The following KATNIP variants were observed in gnomAD, a reference collection of about 807,000 sequenced individuals.
KATNIP encodes the protein katanin-interacting protein.
KATNIP carries 126 observed loss-of-function variants against 174.0 expected under a neutral mutation model. That is an observed-to-expected ratio of 0.72 (90% CI 0.63 to 0.84). The LOEUF is 0.84. Ranked by LOEUF, KATNIP falls within the 40% of genes least tolerant of loss-of-function variation. KATNIP has a pLI of 0.00. For missense variants in KATNIP, 1,958 were observed against 2,109.7 expected (o/e 0.93, Z 1.41); for synonymous variants, 810 against 835.7 (o/e 0.97, Z 0.53).
At chr16:27,648,257 C>T (rs1376393088) in intron 5 of KATNIP, among the ~76,000 whole-genome samples, 5 of 151,134 alleles carry the variant, frequency 3.3e-5, no homozygotes, top group South Asian at 2.1e-4. Flanking sequence ...CGCACCATTG[C>T]ACTCCAGCCT....
intron 1 of KATNIP, among the ~76,000 whole-genome samples, chr16:27,568,922 G>A (rs542019913): frequency 2.0e-5 from 3 of 152,200 alleles, no homozygotes; most frequent in African/African-American, 7.2e-5. Context: ...AGGGTCTAAT[G>A]TCAGTGCTGG....
intron 5 of KATNIP, among the ~76,000 whole-genome samples, chr16:27,632,996 C>T (rs1292163855): frequency 2.0e-5 from 3 of 152,088 alleles, no homozygotes; most frequent in South Asian, 2.1e-4. Flanking sequence ...GTGATCCGCC[C>T]GCCTCAACCT....
chr16:27,758,434 A>G (rs369554410), intron 18 of KATNIP, among the ~76,000 whole-genome samples: 2 of 152,308 alleles, frequency 1.3e-5, no homozygotes, highest in East Asian at 3.9e-4. Flanking sequence ...TTACTGCAAC[A>G]GCTTCCTCCC....
At chr16:27,662,071 T>TATATATATATATATATATATATAC (rs1403398316) in intron 6 of KATNIP, among the ~76,000 whole-genome samples, 2 of 57,198 alleles carry the variant, frequency 3.5e-5, no homozygotes, top group Non-Finnish European at 3.4e-5. Context: ...TATATATATA[T>TATATATATATATATATATATATAC]ACACACATAT....
At chr16:27,572,550 C>T (rs775314058) in intron 1 of KATNIP, among the ~76,000 whole-genome samples, 1 of 152,152 alleles carries the variant, frequency 6.6e-6, no homozygotes, top group Non-Finnish European at 1.5e-5. Context: ...GTGTCTCCCT[C>T]TTCTCTGTCT....
In KATNIP at chr16:27,761,897, C is replaced by T. The variant is rs555241885; in HGVS notation, c.3809+307C>T. On this transcript the variant is annotated intron_variant, in intron 19 of 27. Transcript: ENST00000261588. ...TCTGTGCTTAGCAGAGCGTCTCGCA[C>T]ACAGTAGCTGTCTGTAAACCTTTGC... 4.6e-5 allele frequency among the ~76,000 whole-genome samples: 7 copies of T among 152,332 alleles called. No homozygotes were observed. The South Asian group carries it at 1.4e-3, about 32-fold the overall frequency.
At position 27,578,979 on chromosome 16, in the gene KATNIP, C is replaced by A. The variant is rs143329752; in HGVS notation, c.63+5023C>A. Among the ~76,000 whole-genome samples, 50 of 152,316 alleles carry A rather than the reference C, an allele frequency of 3.3e-4. No homozygotes were observed. In the East Asian group the frequency reaches 9.4e-3, roughly 29 times the overall value. On this transcript the variant is annotated intron_variant, in intron 2 of 27. Transcript: ENST00000261588. ...AAAATATTCTTAGCCTCATTTCTAA[C>A]AAGTATTCATGGTTCCTGCCTGTGG...
intron 15 of KATNIP, among the ~76,000 whole-genome samples, chr16:27,742,804 C>T (rs1567381862): frequency 6.6e-6 from 1 of 152,140 alleles, no homozygotes; most frequent in Non-Finnish European, 1.5e-5. Context: ...AATATCTATG[C>T]AAAGCCAAGG....
chr16:27,708,955 G>A, intron 13 of KATNIP, 35 bp downstream of exon 13: 4 of 1,510,280 alleles, frequency 2.6e-6, no homozygotes, highest in Non-Finnish European at 3.7e-6. Context: ...CTTCTTGGCT[G>A]TGTATTCCCA....
At chr16:27,666,391 G>GT (rs2077683280) in intron 6 of KATNIP, among the ~76,000 whole-genome samples, 2 of 140,442 alleles carry the variant, frequency 1.4e-5, no homozygotes, top group South Asian at 5.3e-4. Flanking sequence ...AGGGGAATGA[G>GT]TTTTTGTTTT....
chr16:27,595,211 CCT>C, intron 2 of KATNIP, among the ~76,000 whole-genome samples: 1 of 152,140 alleles, frequency 6.6e-6, no homozygotes, highest in Non-Finnish European at 1.5e-5. Flanking sequence ...ATGGTAAAGC[CCT>C]GTCTCTACAA....
intron 23 of KATNIP, 53 bp from the exon 24 acceptor site, chr16:27,774,892 T>TG: frequency 6.2e-7 from 1 of 1,610,322 alleles, no homozygotes; most frequent in Middle Eastern, 1.7e-4. Flanking sequence ...TGAGGGTGGC[T>TG]GGCAGCCCCG....
intron 2 of KATNIP, among the ~76,000 whole-genome samples, chr16:27,612,666 G>A (rs2075925145): frequency 6.6e-6 from 1 of 152,096 alleles, no homozygotes; most frequent in South Asian, 2.1e-4. Context: ...GGCCAAGACA[G>A]GAGAATCGCT....
At chr16:27,719,038 A>C (rs1253484118) in intron 13 of KATNIP, among the ~76,000 whole-genome samples, 1 of 152,136 alleles carries the variant, frequency 6.6e-6, no homozygotes, top group African/African-American at 2.4e-5. Flanking sequence ...TCTCAAATGC[A>C]GGGTGATGCC....
intron 2 of KATNIP, among the ~76,000 whole-genome samples, chr16:27,594,568 T>A (rs932311626): frequency 1.3e-5 from 2 of 151,900 alleles, no homozygotes; most frequent in African/African-American, 4.8e-5. Flanking sequence ...AACCTGACAC[T>A]AAAGGTGACA....
chr16:27,623,108 C>A (rs982854108), intron 3 of KATNIP, among the ~76,000 whole-genome samples: 9 of 152,176 alleles, frequency 5.9e-5, no homozygotes, highest in African/African-American at 1.9e-4. Context: ...TCAAATGCCA[C>A]CCCCTCCAAG....
chr16:27,761,556 C>T lies in KATNIP; in HGVS notation c.3775C>T (p.Pro1259Ser). ...TTCCCCCAGAGACTTAAATGAGCTCCCCGAGTACTCTGACGACTCCCGGGC... is the reference window on the plus strand; with the variant it reads ...TTCCCCCAGAGACTTAAATGAGCTCTCCGAGTACTCTGACGACTCCCGGGC... Reference protein sequence around the residue: ...SASPRDLNELPEYSDDSRALD... With the variant: ...SASPRDLNELSEYSDDSRALD... Residue 1259 changes from proline (P) to serine (S), a missense_variant, in exon 19 of 28, where the codon CCC becomes TCC. Coordinates refer to ENST00000261588, the MANE Select transcript of KATNIP (RefSeq NM_015202.5). 1.9e-6 allele frequency: 3 copies of T among 1,614,120 alleles called. No individual in the cohort carries two copies. Among genetic ancestry groups the T allele is most frequent in the Non-Finnish European group, 2.5e-6 (3 of 1,180,026 alleles).
chr16:27,705,978 A>G (rs2079284921), intron 12 of KATNIP, among the ~76,000 whole-genome samples: 1 of 152,172 alleles, frequency 6.6e-6, no homozygotes, highest in Non-Finnish European at 1.5e-5. Context: ...ACACCTGACC[A>G]AGTCTCCTTA....
chr16:27,638,025 G>A (rs774937367), intron 5 of KATNIP, among the ~76,000 whole-genome samples: 9 of 152,124 alleles, frequency 5.9e-5, no homozygotes, highest in Admixed American at 1.3e-4. Flanking sequence ...CTGATCCATC[G>A]TGCCTTCTCC....
Sources: gnomAD v4.1 joint callset for allele counts (sites outside exome capture counted in the v4.1 genomes callset) on GRCh38, gnomAD v4.1.1 for gene constraint, MANE v1.5 for transcripts, NCBI Gene and HGNC (gene_info 2026-07-23, HGNC 2026-07-21) for gene names.